MFAP1: variants seen among roughly 807,000 people sequenced by gnomAD.
MFAP1 encodes microfibril associated protein 1, also known as microfibrillar-associated protein 1.
MFAP1 carries 18 observed loss-of-function variants against 62.2 expected under a neutral mutation model. The observed-to-expected ratio is 0.29, with a 90% CI of 0.20 to 0.43. MFAP1 has a LOEUF of 0.43. MFAP1 is among the 20% of genes least tolerant of loss of function. The pLI is 1.00. For synonymous variants in MFAP1, 175 were observed against 180.4 expected, an observed-to-expected ratio of 0.97 and a Z score of 0.24; for missense variants, 355 against 559.7, an observed-to-expected ratio of 0.63 and a Z score of 3.69.
At chr15:43,808,740 G>A (rs562944269) in intron 7 of MFAP1, among the ~76,000 whole-genome samples, 3 of 152,298 alleles carry the variant, frequency 2.0e-5, no homozygotes, top group Admixed American at 6.5e-5. Context: ...CAGGGAAGCC[G>A]CCACTGAAGT....
chr15:43,807,395 C>A (rs548179015), intron 7 of MFAP1, among the ~76,000 whole-genome samples: 2 of 150,706 alleles, frequency 1.3e-5, no homozygotes, highest in East Asian at 4.0e-4. Context: ...GTCGCCCAGG[C>A]TAGAGTGCAG....
rs11556438 is a variant in MFAP1 at position 43,817,248 on chromosome 15, T to G, written c.280A>C (p.Ser94Arg). The change falls in exon 2 of 9, where the codon AGT (serine) becomes CGT (arginine). Residue 94 changes from serine (S) to arginine (R), a missense_variant. By Grantham distance (110) the Ser-to-Arg change is moderately radical (BLOSUM62 -1). Coordinates refer to ENST00000267812, the MANE Select transcript of MFAP1 (RefSeq NM_005926.3). ...PRLRRLQNRI[S>R]EDVEERLARH... ...CATTACCTCTCTTCCACATCTTCACTAATACGGTTCTGTAAACGCCGTAGC... is the reference window on the plus strand; with the variant it reads ...CATTACCTCTCTTCCACATCTTCACGAATACGGTTCTGTAAACGCCGTAGC... 1.6e-3 allele frequency: 2,600 copies of G among 1,613,798 alleles called. 2 individuals carry two copies. Among genetic ancestry groups the G allele is most frequent in the Non-Finnish European group, 2.1e-3 (2,520 of 1,180,018 alleles).
Position 43,815,067 on chromosome 15 carries a change from G to A in MFAP1, c.307C>T (p.Arg103Ter), listed in dbSNP as rs776902073. 1.2e-6 allele frequency: 2 copies of A among 1,613,702 alleles called. No individual in the cohort carries two copies. The highest frequency in any genetic ancestry group is 2.2e-5 in the East Asian group (1 of 44,886). Reference sequence around the variant, plus strand: ...TCAGGTTCCACTATTTTTCGATGTCGAGCCAATCTGAAAAACAGTATCTCC... The same window carrying A: ...TCAGGTTCCACTATTTTTCGATGTCAAGCCAATCTGAAAAACAGTATCTCC... ...ISEDVEERLA[R>*]HRKIVEPEVV... The change falls in exon 3 of 9, where the codon CGA becomes TGA. Residue 103 changes from arginine to a stop codon, truncating the protein, a stop_gained. Coordinates refer to ENST00000267812, the MANE Select transcript of MFAP1 (RefSeq NM_005926.3). LOFTEE classifies it high-confidence loss of function.
chr15:43,814,661 G>A lies in MFAP1; in HGVS notation c.457C>T (p.Arg153Cys). 1.2e-6 allele frequency: 2 copies of A among 1,613,936 alleles called. No individual in the cohort carries two copies. The highest frequency in any genetic ancestry group is 1.3e-5 in the African/African-American group (1 of 74,976). Residue 153 changes from arginine to cysteine, a missense_variant, in exon 4 of 9, where the codon CGT becomes TGT. By Grantham distance (180) the Arg-to-Cys change is radical. This residue lies in a region of MFAP1 where 257 missense variants were observed against 341.3 expected (regional missense o/e 0.75). Coordinates refer to ENST00000267812, the MANE Select transcript of MFAP1 (RefSeq NM_005926.3). ...EEIERRRGMM[R>C]QRAQERKNEE... Reference sequence around the variant, plus strand: ...TTTTTTCTCTCCTGTGCTCGCTGACGCATCATGCCACGCCGCCGCTCTATT... The same window carrying A: ...TTTTTTCTCTCCTGTGCTCGCTGACACATCATGCCACGCCGCCGCTCTATT...
At chr15:43,810,389 T>C (rs1296352792) in intron 6 of MFAP1, among the ~76,000 whole-genome samples, 2 of 151,482 alleles carry the variant, frequency 1.3e-5, no homozygotes, top group Admixed American at 1.3e-4. Flanking sequence ...TTTGGTGAGA[T>C]GGAGTCTTGC....
Position 43,813,043 on chromosome 15 carries a change from C to T in MFAP1, c.831G>A (p.Glu277=). ...TTTTTAGCTCTCGAACTTTCCATGCCTCATATTCCTCCTCATCATTTTCAT... is the reference window on the plus strand; with the variant it reads ...TTTTTAGCTCTCGAACTTTCCATGCTTCATATTCCTCCTCATCATTTTCAT... ...TDDENDEEEY[E]AWKVRELKRI... The change falls in exon 6 of 9, where the codon GAG becomes GAA. Residue 277 remains glutamate, a synonymous_variant. Coordinates refer to ENST00000267812, the MANE Select transcript of MFAP1 (RefSeq NM_005926.3). The T allele has an allele frequency of 6.2e-7, 1 of 1,614,076 alleles. No individual in the cohort carries two copies. Among genetic ancestry groups the T allele is most frequent in the Non-Finnish European group, 8.5e-7 (1 of 1,180,036 alleles).
intron 7 of MFAP1, among the ~76,000 whole-genome samples, chr15:43,809,322 T>TA (rs1050750176): frequency 3.8e-4 from 35 of 91,254 alleles, no homozygotes; most frequent in African/African-American, 5.5e-4. Context: ...TACGAAAAAT[T>TA]AAAAAAAAAA....
intron 4 of MFAP1, 77 bp from the exon 5 acceptor site, chr15:43,813,434 C>A: frequency 7.5e-7 from 1 of 1,335,442 alleles, no homozygotes; most frequent in Non-Finnish European, 1.0e-6. Context: ...TAGTCCCATC[C>A]AAATCAGACA....
rs2087488123 is a variant in MFAP1, at chr15:43,824,642, A to T, written c.-73T>A. The stretch of plus-strand genomic sequence containing the variant: ...GTGAACACCAGCAACGTCAACGAAG[A>T]GAAGAAATTCCTTCCACCTGAGTCC... On this transcript the variant is annotated 5_prime_UTR_variant, in exon 1 of 9. Transcript: ENST00000267812. The T allele has an allele frequency of 6.6e-7, 1 of 1,504,728 alleles. No individual in the cohort carries two copies. 93.2% of individuals were successfully genotyped at this position (1,504,728 alleles called of 1,614,324 possible).
Position 43,805,143 on chromosome 15 carries a change from A to G in MFAP1, c.1271T>C (p.Val424Ala). The G allele has an allele frequency of 1.2e-6, 2 of 1,600,686 alleles. No homozygotes were observed. Among genetic ancestry groups the G allele is most frequent in the Admixed American group, 1.7e-5 (1 of 59,738 alleles). The change falls in exon 9 of 9, where the codon GTA becomes GCA. Residue 424 changes from valine to alanine, a missense_variant. By Grantham distance (64) the Val-to-Ala change is moderately conservative. Around this residue, in one of 6 missense-constraint regions of MFAP1, gnomAD observed 44 missense variants for 80.8 expected, o/e 0.54. Coordinates refer to ENST00000267812, the MANE Select transcript of MFAP1 (RefSeq NM_005926.3). ...AGATGGCCGCTCAAATACATCTCGTACCCCAGCTGCCTTTTGTTTGAAGAA... is the reference window on the plus strand; with the variant it reads ...AGATGGCCGCTCAAATACATCTCGTGCCCCAGCTGCCTTTTGTTTGAAGAA... ...TKFFKQKAAGVRDVFERPSAK... is the reference protein window; with the variant it reads ...TKFFKQKAAGARDVFERPSAK...
chr15:43,818,394 C>T (rs1024726695), intron 1 of MFAP1, among the ~76,000 whole-genome samples: 1 of 151,792 alleles, frequency 6.6e-6, no homozygotes, highest in African/African-American at 2.4e-5. Flanking sequence ...ACCTTGATAA[C>T]CAAATTGGAC....
At chr15:43,817,484 C>CT (rs777511476) in intron 1 of MFAP1, 36 bp from the exon 2 acceptor site, 1 of 1,608,234 alleles carries the variant, frequency 6.2e-7, no homozygotes, top group African/African-American at 1.3e-5. Flanking sequence ...TCAGTAGCCT[C>CT]TTTCTCAATG....
At position 43,805,265 on chromosome 15, in the gene MFAP1, A is replaced by G. The variant is rs753923256; in HGVS notation, c.1149T>C (p.Phe383=). The part of the protein sequence containing the change: ...ILPKVMQVKN[F]GRSGRTKYTH... Reference sequence around the variant, plus strand: ...TGTATTTGGTGCGACCTGAGCGTCCAAAGTTCTTGACCTGAGGGAAGGATG... The same window carrying G: ...TGTATTTGGTGCGACCTGAGCGTCCGAAGTTCTTGACCTGAGGGAAGGATG... The change falls in exon 9 of 9, where the codon TTT becomes TTC. Residue 383 remains phenylalanine, a synonymous_variant. Coordinates refer to ENST00000267812, the MANE Select transcript of MFAP1 (RefSeq NM_005926.3). The G allele has an allele frequency of 6.3e-7, 1 of 1,596,206 alleles. No homozygotes were observed. The highest frequency in any genetic ancestry group is 8.6e-7 in the Non-Finnish European group (1 of 1,166,438).
chr15:43,816,907 A>ACTC (rs2141710467), intron 2 of MFAP1, among the ~76,000 whole-genome samples: 1 of 152,232 alleles, frequency 6.6e-6, no homozygotes, highest in Admixed American at 6.5e-5. Context: ...TGCTAAAAAG[A>ACTC]CTCCTCTCAA....
rs771285123 is a variant in MFAP1 at position 43,813,127 on chromosome 15, T to C, written c.747A>G (p.Lys249=). Residue 249 remains lysine (K), a synonymous_variant, in exon 6 of 9, where the codon AAA becomes AAG. Coordinates refer to ENST00000267812, the MANE Select transcript of MFAP1 (RefSeq NM_005926.3). The stretch of plus-strand genomic sequence containing the variant: ...ATCGCTTGTTCTCTTCCAGCTCTTT[T>C]TTGGTTTCCTCTTCGACAATCTGGA... ...YTLKIVEEET[K]KELEENKRSL... The C allele has an allele frequency of 6.2e-6, 10 of 1,614,070 alleles. No individual in the cohort carries two copies. Among genetic ancestry groups the C allele is most frequent in the Non-Finnish European group, 8.5e-6 (10 of 1,180,052 alleles).
chr15:43,820,196 T>C (rs769450533), intron 1 of MFAP1, among the ~76,000 whole-genome samples: 21 of 152,226 alleles, frequency 1.4e-4, no homozygotes, highest in Non-Finnish European at 1.9e-4. Context: ...CACGCACCTG[T>C]AGTCCCAGCT....
At chr15:43,814,465 T>G in intron 4 of MFAP1, 36 bp downstream of exon 4, 2 of 1,560,826 alleles carry the variant, frequency 1.3e-6, no homozygotes, top group Non-Finnish European at 1.7e-6. Flanking sequence ...AAAGTGGTAA[T>G]TAAGTGGATT....
intron 7 of MFAP1, among the ~76,000 whole-genome samples, chr15:43,807,187 C>G (rs996750572): frequency 3.3e-5 from 5 of 151,606 alleles, no homozygotes; most frequent in Non-Finnish European, 7.4e-5. Flanking sequence ...CCCGTCTCTA[C>G]TAAAAATACA....
intron 1 of MFAP1, 23 bp downstream of exon 1, chr15:43,824,468 G>A: frequency 6.2e-7 from 1 of 1,613,086 alleles, no homozygotes; most frequent in Non-Finnish European, 8.5e-7. Flanking sequence ...AATTCGACTG[G>A]GAAGAGGGTG....
Sources: allele counts gnomAD v4.1 joint callset (sites outside exome capture counted in the v4.1 genomes callset), GRCh38; gene constraint gnomAD v4.1.1; regional missense constraint gnomAD v4.1.1; transcripts MANE v1.5; gene names NCBI Gene and HGNC (gene_info 2026-07-23, HGNC 2026-07-21).